Variants in GPHN observed in about 807,000 individuals in gnomAD.
GPHN encodes the protein gephyrin.
A neutral mutation model predicts 95.5 loss-of-function variants in GPHN; 17 were observed. The ratio of observed to expected loss-of-function variants is 0.18; its 90% confidence interval spans 0.12 to 0.27. The LOEUF (loss-of-function observed/expected upper bound fraction) is 0.27. GPHN is among the 10% of genes least tolerant of loss of function. The pLI is 1.00. For missense variants in GPHN, 660 were observed against 978.1 expected (o/e 0.67, Z 4.34); for synonymous variants, 320 against 322.5 (o/e 0.99, Z 0.08).
chr14:67,725,035 C>T, the GPHN span: 1 of 1,580,166 alleles, frequency 6.3e-7, no homozygotes, highest in Non-Finnish European at 8.7e-7. Context: ...CCCAAGCTCA[C>T]TTACTATACC....
At chr14:66,516,869 C>T (rs924536370) in intron 1 of GPHN, among the ~76,000 whole-genome samples, 27 of 152,060 alleles carry the variant, frequency 1.8e-4, no homozygotes, top group African/African-American at 6.0e-4. Context: ...CAGGGGCTCA[C>T]GCCTGTAATC....
intron 9 of GPHN, among the ~76,000 whole-genome samples, chr14:67,005,308 A>T (rs1007107448): frequency 2.6e-5 from 4 of 151,806 alleles, no homozygotes; most frequent in Non-Finnish European, 5.9e-5. Flanking sequence ...TATATTTAAG[A>T]TTTTTTAATA....
At chr14:67,402,184 G>A in the GPHN span, among the ~76,000 whole-genome samples, 1 of 152,166 alleles carries the variant, frequency 6.6e-6, no homozygotes, top group Non-Finnish European at 1.5e-5. Context: ...TACTTTCCTG[G>A]ACGAAATGTT....
intron 12 of GPHN, among the ~76,000 whole-genome samples, chr14:67,097,987 T>G (rs550328636): frequency 6.6e-6 from 1 of 152,194 alleles, no homozygotes; most frequent in Admixed American, 6.5e-5. Flanking sequence ...TTTTTATCCT[T>G]TTCATTAGAA....
chr14:67,684,297 T>C, the GPHN span, among the ~76,000 whole-genome samples: 1 of 152,116 alleles, frequency 6.6e-6, no homozygotes, highest in Non-Finnish European at 1.5e-5. Flanking sequence ...GAAGTAGAGG[T>C]AAAAACATGT....
the GPHN span, among the ~76,000 whole-genome samples, chr14:67,590,728 A>G: frequency 6.6e-6 from 1 of 152,242 alleles, no homozygotes; most frequent in Non-Finnish European, 1.5e-5. Context: ...CATGGAGTTA[A>G]GAAGTTTAGG....
At chr14:66,719,663 A>G (rs532576052) in intron 2 of GPHN, among the ~76,000 whole-genome samples, 26 of 152,230 alleles carry the variant, frequency 1.7e-4, no homozygotes, top group Admixed American at 4.6e-4. Context: ...CCCATCCACC[A>G]TGACAGCCAA....
the GPHN span, among the ~76,000 whole-genome samples, chr14:67,340,799 G>A: frequency 3.7e-4 from 57 of 152,218 alleles, no homozygotes; most frequent in African/African-American, 1.2e-3. Flanking sequence ...TCAGCCTGCC[G>A]AGTGCCTGCG....
intron 11 of GPHN, chr14:67,059,069 C>T: frequency 1.9e-6 from 1 of 520,204 alleles, no homozygotes; most frequent in East Asian, 3.2e-5. Context: ...CATGAAAATA[C>T]CAATACTGCA....
intron 9 of GPHN, among the ~76,000 whole-genome samples, chr14:67,007,276 A>G (rs2072669131): frequency 6.6e-6 from 1 of 152,148 alleles, no homozygotes; most frequent in Non-Finnish European, 1.5e-5. Flanking sequence ...TTTCTAAGTC[A>G]TGTTTCTGGG....
intron 2 of GPHN, among the ~76,000 whole-genome samples, chr14:66,723,419 TATTTA>T (rs1475529306): frequency 6.6e-6 from 1 of 152,060 alleles, no homozygotes; most frequent in African/African-American, 2.4e-5. Flanking sequence ...TGCTTTCATC[TATTTA>T]ATTCACTTTT....
chr14:67,728,808 A>G, the GPHN span, among the ~76,000 whole-genome samples: 1 of 151,554 alleles, frequency 6.6e-6, no homozygotes, highest in Non-Finnish European at 1.5e-5. Flanking sequence ...AGTCCTACCC[A>G]CCACCTTCCA....
At chr14:66,555,801 C>A (rs576153506) in intron 1 of GPHN, among the ~76,000 whole-genome samples, 65 of 152,066 alleles carry the variant, frequency 4.3e-4, no homozygotes, top group Admixed American at 1.0e-3. Flanking sequence ...TTTAAAAAAA[C>A]CCCTACTTTA....
the GPHN span, chr14:67,587,301 G>A: frequency 6.4e-7 from 1 of 1,569,192 alleles, no homozygotes. Flanking sequence ...ATATCCTAGG[G>A]TATGATACTA....
At chr14:67,464,799 T>A in the GPHN span, among the ~76,000 whole-genome samples, 1 of 152,242 alleles carries the variant, frequency 6.6e-6, no homozygotes, top group Non-Finnish European at 1.5e-5. Flanking sequence ...TCTCTGTGTG[T>A]TCTCAGCCTT....
chr14:67,323,946 C>T, the GPHN span: 2 of 546,664 alleles, frequency 3.7e-6, no homozygotes, highest in Non-Finnish European at 3.2e-6. Context: ...ATATTACTTG[C>T]CCAAAAATTG....
At chr14:66,728,700 G>A (rs746430961) in intron 2 of GPHN, among the ~76,000 whole-genome samples, 1 of 152,208 alleles carries the variant, frequency 6.6e-6, no homozygotes, top group South Asian at 2.1e-4. Flanking sequence ...TTGTATCTAG[G>A]AAGTAACTAA....
At chr14:66,994,091 C>T (rs1004165899) in intron 9 of GPHN, among the ~76,000 whole-genome samples, 7 of 152,038 alleles carry the variant, frequency 4.6e-5, no homozygotes, top group African/African-American at 9.7e-5. Flanking sequence ...AATGGCCAAG[C>T]GCAGTGGCTC....
intron 3 of GPHN, among the ~76,000 whole-genome samples, chr14:66,800,881 T>C (rs2060324920): frequency 6.6e-6 from 1 of 152,138 alleles, no homozygotes; most frequent in Non-Finnish European, 1.5e-5. Flanking sequence ...ATGTTTCTTA[T>C]TCTTTTTTCT....
Sources: allele counts gnomAD v4.1 joint callset (sites outside exome capture counted in the v4.1 genomes callset), GRCh38; gene constraint gnomAD v4.1.1; transcripts MANE v1.5; gene names NCBI Gene and HGNC (gene_info 2026-07-23, HGNC 2026-07-21).